Variants in PCDHA9 observed in about 807,000 individuals in gnomAD.
PCDHA9 encodes protocadherin alpha 9, also known as protocadherin alpha-9.
PCDHA9 carries 62 observed loss-of-function variants against 62.0 expected under a neutral mutation model. The observed-to-expected ratio is 1.00, with a 90% confidence interval of 0.81 to 1.23. The LOEUF is 1.23. Among genes scored for constraint, PCDHA9 ranks in the 50% most tolerant of loss-of-function variants. The probability of loss-of-function intolerance (pLI) is 0.00; values close to 1 mark genes in which losing one functional copy is unlikely to be tolerated. For missense variants in PCDHA9, 1,205 were observed against 1,249.8 expected (o/e 0.96, Z 0.54); for synonymous variants, 557 against 567.6 (o/e 0.98, Z 0.27).
intron 1 of PCDHA9, among the ~76,000 whole-genome samples, chr5:140,931,396 G>A (rs1554208395): frequency 1.3e-5 from 2 of 152,118 alleles, no homozygotes; most frequent in Non-Finnish European, 2.9e-5. Context: ...ATAAGTAAGC[G>A]ATAGGAAGGC....
intron 1 of PCDHA9, among the ~76,000 whole-genome samples, chr5:140,972,533 T>C (rs2096540643): frequency 6.6e-6 from 1 of 152,134 alleles, no homozygotes; most frequent in African/African-American, 2.4e-5. Flanking sequence ...ATTTCATAAA[T>C]CACTTGTGCA....
chr5:140,876,466 G>C, intron 1 of PCDHA9: 1 of 1,614,018 alleles, frequency 6.2e-7, no homozygotes, highest in Non-Finnish European at 8.5e-7. Flanking sequence ...TTCCATGGCA[G>C]GTCACAGCAT....
At chr5:140,858,469 C>T (rs782532416) in intron 1 of PCDHA9, 2 of 1,520,006 alleles carry the variant, frequency 1.3e-6, no homozygotes, top group African/African-American at 1.4e-5. Context: ...TCCTTTTGTG[C>T]TTTATGAATA....
At chr5:140,863,736 T>C (rs2048147573) in intron 1 of PCDHA9, 1 of 249,698 alleles carries the variant, frequency 4.0e-6, no homozygotes. Context: ...AGCTCATGCC[T>C]ATTTGTAATC....
intron 1 of PCDHA9, among the ~76,000 whole-genome samples, chr5:140,910,047 A>G (rs1454501128): frequency 2.0e-5 from 3 of 152,208 alleles, no homozygotes; most frequent in African/African-American, 4.8e-5. Context: ...CTTGGTCATA[A>G]TAAGTGATCT....
intron 3 of PCDHA9, among the ~76,000 whole-genome samples, chr5:141,000,895 T>C (rs896500322): frequency 5.3e-5 from 8 of 152,072 alleles, no homozygotes; most frequent in Non-Finnish European, 1.2e-4. Context: ...GCAACAGATA[T>C]AGACGCTGTC....
At chr5:140,894,403 T>C (rs1442623931) in intron 1 of PCDHA9, among the ~76,000 whole-genome samples, 3 of 152,046 alleles carry the variant, frequency 2.0e-5, no homozygotes, top group Non-Finnish European at 4.4e-5. Context: ...TTCTTTGCTT[T>C]TCTTTTGTAG....
chr5:140,916,733 A>G (rs1242424937), intron 1 of PCDHA9, among the ~76,000 whole-genome samples: 1 of 152,146 alleles, frequency 6.6e-6, no homozygotes, highest in Non-Finnish European at 1.5e-5. Flanking sequence ...TTGTTGCTGC[A>G]AGCTTCACTG....
At chr5:140,880,791 A>G (rs950375774) in intron 1 of PCDHA9, among the ~76,000 whole-genome samples, 4 of 152,242 alleles carry the variant, frequency 2.6e-5, no homozygotes, top group Non-Finnish European at 4.4e-5. Context: ...GAGGAGTAAT[A>G]TAAATAGGTG....
At chr5:140,883,719 C>T in intron 1 of PCDHA9, 1 of 1,613,598 alleles carries the variant, frequency 6.2e-7, no homozygotes, top group Non-Finnish European at 8.5e-7. Context: ...GACGCGGACG[C>T]ACAGGAGAAC....
chr5:140,858,123 T>C, intron 1 of PCDHA9: 1 of 1,597,678 alleles, frequency 6.3e-7, no homozygotes, highest in East Asian at 2.2e-5. Flanking sequence ...GTGGCCCTGG[T>C]GGATGTCAAC....
At chr5:140,855,488 C>T (rs569322371) in intron 1 of PCDHA9, among the ~76,000 whole-genome samples, 1 of 149,546 alleles carries the variant, frequency 6.7e-6, no homozygotes. Flanking sequence ...ACATTAGTGT[C>T]TAAATAAACC....
At chr5:140,857,208 C>G (rs1554149670) in intron 1 of PCDHA9, 4 of 1,598,578 alleles carry the variant, frequency 2.5e-6, no homozygotes, top group Non-Finnish European at 3.4e-6. Flanking sequence ...GTCACCTGCT[C>G]TCTGACGCCT....
rs201793837 is a variant in PCDHA9 at position 141,003,710 on chromosome 5, A to G, written c.2543-5917A>G. Among the ~76,000 whole-genome samples, 7 of 152,316 alleles carry G rather than the reference A, an allele frequency of 4.6e-5. No homozygotes were observed. The East Asian group carries it at 1.2e-3, about 25-fold the overall frequency. On this transcript the variant is annotated intron_variant, in intron 3 of 3. Transcript: ENST00000532602. ...AAATATATCCCTACCAATTGTGAAG[A>G]TATCGGCTAATCCAATAAAAAAGCA... is the stretch of plus-strand genomic sequence containing the variant.
chr5:140,883,761 G>C, intron 1 of PCDHA9: 1 of 1,612,908 alleles, frequency 6.2e-7, no homozygotes, highest in Non-Finnish European at 8.5e-7. Flanking sequence ...GTGGAGCGGC[G>C]GGTGGGCGAG....
chr5:140,885,049 A>T (rs1001120267), intron 1 of PCDHA9, among the ~76,000 whole-genome samples: 56 of 152,352 alleles, frequency 3.7e-4, no homozygotes, highest in African/African-American at 1.2e-3. Context: ...TTTAATGTAT[A>T]CATATACCCA....
At chr5:140,869,084 G>A (rs2050835199) in intron 1 of PCDHA9, 1 of 1,583,106 alleles carries the variant, frequency 6.3e-7, no homozygotes, top group African/African-American at 1.4e-5. Context: ...AGCTTATTTT[G>A]GAAGCCAATT....
intron 3 of PCDHA9, among the ~76,000 whole-genome samples, chr5:140,994,878 A>G (rs1034578696): frequency 2.0e-5 from 3 of 152,170 alleles, no homozygotes; most frequent in Non-Finnish European, 4.4e-5. Context: ...GAATAAAGAG[A>G]TGTTAGGAAA....
intron 1 of PCDHA9, among the ~76,000 whole-genome samples, chr5:140,964,846 C>G (rs1292135709): frequency 2.0e-5 from 3 of 152,180 alleles, no homozygotes; most frequent in Non-Finnish European, 2.9e-5. Context: ...TACTCTGTAC[C>G]CTTGAGGAAA....
Sources: gnomAD v4.1 joint callset for allele counts (sites outside exome capture counted in the v4.1 genomes callset) on GRCh38, gnomAD v4.1.1 for gene constraint, MANE v1.5 for transcripts, NCBI Gene and HGNC (gene_info 2026-07-23, HGNC 2026-07-21) for gene names.